The following XKR6 variants were observed in gnomAD, a reference collection of about 807,000 sequenced individuals.
XKR6 encodes the protein XK-related protein 6.
Under a neutral mutation model 56.7 loss-of-function variants are expected in XKR6, and 22 were observed. The observed-to-expected ratio is 0.39, with a 90% CI of 0.28 to 0.55. XKR6 has a LOEUF of 0.55. Among genes scored for constraint, XKR6 ranks in the 20% least tolerant of loss-of-function variants. The probability of loss-of-function intolerance (pLI) is 0.66; values close to 1 mark genes in which losing one functional copy is unlikely to be tolerated. For missense variants in XKR6, 852 were observed against 889.0 expected (o/e 0.96, Z 0.53); for synonymous variants, 524 against 387.8 (o/e 1.35, Z -4.13).
intron 1 of XKR6, among the ~76,000 whole-genome samples, chr8:11,049,673 G>A (rs1017987373): frequency 1.3e-5 from 2 of 152,228 alleles, no homozygotes; most frequent in Non-Finnish European, 2.9e-5. Flanking sequence ...CCGTGGGCTG[G>A]CAGGGGAGGC....
chr8:10,900,848 T>G (rs1358071080), intron 2 of XKR6, among the ~76,000 whole-genome samples: 1 of 115,140 alleles, frequency 8.7e-6, no homozygotes, highest in Non-Finnish European at 1.7e-5. Context: ...GCAGAGGATG[T>G]GCAATTACCT....
At position 11,111,359 on chromosome 8, in the gene XKR6, C is replaced by A. The variant is rs112380175; in HGVS notation, c.764+89217G>T. 7.8e-3 allele frequency among the ~76,000 whole-genome samples: 1,193 copies of A among 152,152 alleles called. 17 individuals are homozygous for A. The highest frequency in any genetic ancestry group is 0.028 in the African/African-American group (1,153 of 41,500). ...TTGGCACTTCTGCCCTACATAGTAACGTCTCATTTTAAAAACTGGTAGCAC... is the reference window on the plus strand; with the variant it reads ...TTGGCACTTCTGCCCTACATAGTAAAGTCTCATTTTAAAAACTGGTAGCAC... On this transcript the variant is annotated intron_variant, in intron 1 of 2. Transcript: ENST00000416569.
chr8:11,190,051 G>C (rs538091749), intron 1 of XKR6, among the ~76,000 whole-genome samples: 12 of 152,216 alleles, frequency 7.9e-5, no homozygotes, highest in African/African-American at 2.9e-4. Flanking sequence ...CAGCTACGTG[G>C]GAGGCTGAGG....
intron 1 of XKR6, among the ~76,000 whole-genome samples, chr8:11,101,148 C>A (rs1798462212): frequency 1.3e-5 from 2 of 152,190 alleles, no homozygotes; most frequent in South Asian, 4.1e-4. Flanking sequence ...CTACAGACAT[C>A]CCAATTTTTG....
In XKR6 at chr8:11,072,924, C is replaced by G. The variant is rs1273438499; in HGVS notation, c.764+127652G>C. On this transcript the variant is annotated intron_variant, in intron 1 of 2. Transcript: ENST00000416569. The stretch of plus-strand genomic sequence containing the variant: ...AATTAGCCGGGCGTGGTGGCGGGTG[C>G]CTGTAATCCCAGCTACTAATGAGGC... 2.0e-5 allele frequency among the ~76,000 whole-genome samples: 3 copies of G among 152,270 alleles called. No individual in the cohort carries two copies. In the East Asian group the frequency reaches 5.8e-4, roughly 29 times the overall value.
At chr8:11,054,808 G>A (rs958789290) in intron 1 of XKR6, among the ~76,000 whole-genome samples, 1 of 152,190 alleles carries the variant, frequency 6.6e-6, no homozygotes, top group Non-Finnish European at 1.5e-5. Context: ...GGTGCTCACT[G>A]GGGCCCTGGG....
chr8:11,107,194 A>G (rs954536147), intron 1 of XKR6, among the ~76,000 whole-genome samples: 1 of 144,576 alleles, frequency 6.9e-6, no homozygotes, highest in Non-Finnish European at 1.5e-5. Flanking sequence ...CAGGATTCCA[A>G]TTTTTTTTTT....
rs79821297 is a variant in XKR6, at chr8:11,123,634, G to C, written c.764+76942C>G. ...AAGTGTGCAGAGTTTAAGATACTTG[G>C]CTATATAAAGTTTAAAATACTCAAA... is the stretch of plus-strand genomic sequence containing the variant. On this transcript the variant is annotated intron_variant, in intron 1 of 2. Coordinates refer to ENST00000416569, the MANE Select transcript of XKR6 (RefSeq NM_173683.4). 312 of 329,880 alleles carry C rather than the reference G, an allele frequency of 9.5e-4. 4 individuals carry two copies. Among genetic ancestry groups the C allele is most frequent in the Non-Finnish European group, 1.6e-3 (265 of 166,590 alleles). 20.4% of individuals were successfully genotyped at this position (329,880 alleles called of 1,614,324 possible). A position where few individuals can be genotyped will look rare whatever the true frequency, so the allele number is the denominator to read the frequency against.
At chr8:10,937,573 G>A (rs372912364) in intron 1 of XKR6, among the ~76,000 whole-genome samples, 5 of 149,210 alleles carry the variant, frequency 3.4e-5, no homozygotes, top group East Asian at 3.9e-4. Context: ...GTACAGATGG[G>A]TTTTCGGTGT....
At chr8:11,016,935 C>G (rs1047917171) in intron 1 of XKR6, among the ~76,000 whole-genome samples, 3 of 152,138 alleles carry the variant, frequency 2.0e-5, no homozygotes, top group Admixed American at 2.0e-4. Flanking sequence ...GATAGACAGA[C>G]AGGTTAGAGA....
chr8:11,155,646 G>C (rs892017040), intron 1 of XKR6, among the ~76,000 whole-genome samples: 1 of 152,158 alleles, frequency 6.6e-6, no homozygotes, highest in East Asian at 1.9e-4. Context: ...AGCACACAGA[G>C]TGTAACAGGT....
At chr8:10,929,200 G>A (rs77238627) in intron 1 of XKR6, among the ~76,000 whole-genome samples, 5,187 of 152,288 alleles carry the variant, frequency 0.034, 124 homozygotes, top group Non-Finnish European at 0.05. Context: ...AAACAATAAT[G>A]CCTCATGTTT....
intron 1 of XKR6, among the ~76,000 whole-genome samples, chr8:11,078,403 T>C (rs1371832669): frequency 2.0e-5 from 3 of 152,216 alleles, no homozygotes; most frequent in Admixed American, 6.5e-5. Context: ...TTTTAAATAC[T>C]GGTGCTGGGA....
chr8:11,074,281 TC>T (rs1266110995), intron 1 of XKR6, among the ~76,000 whole-genome samples: 1 of 152,146 alleles, frequency 6.6e-6, no homozygotes, highest in East Asian at 1.9e-4. Context: ...GTGTGCCGTT[TC>T]CCGGCCTTGG....
intron 1 of XKR6, among the ~76,000 whole-genome samples, chr8:11,076,222 G>C (rs1800270337): frequency 6.6e-6 from 1 of 152,204 alleles, no homozygotes; most frequent in Admixed American, 6.5e-5. Flanking sequence ...CTGAGGGAAA[G>C]GGGAATGGGG....
chr8:10,971,617 A>G (rs1172659190), intron 1 of XKR6, among the ~76,000 whole-genome samples: 1 of 152,136 alleles, frequency 6.6e-6, no homozygotes, highest in Non-Finnish European at 1.5e-5. Flanking sequence ...AACTTACCTG[A>G]GGCCAATCAG....
intron 1 of XKR6, among the ~76,000 whole-genome samples, chr8:11,018,068 C>G (rs191680223): frequency 3.9e-5 from 6 of 152,164 alleles, no homozygotes; most frequent in African/African-American, 1.4e-4. Context: ...ATGTGACAAT[C>G]CCCGAGTTAG....
At chr8:10,914,011 G>A (rs552737407) in intron 2 of XKR6, among the ~76,000 whole-genome samples, 63 of 152,286 alleles carry the variant, frequency 4.1e-4, no homozygotes, top group African/African-American at 1.5e-3. Context: ...GGTCAGGTCC[G>A]GGCCCAAATC....
intron 1 of XKR6, among the ~76,000 whole-genome samples, chr8:10,975,302 G>A (rs1379658768): frequency 1.3e-5 from 2 of 152,216 alleles, no homozygotes; most frequent in African/African-American, 2.4e-5. Flanking sequence ...GAGGCTTCGA[G>A]CGACTTCTCC....
Sources: gnomAD v4.1 joint callset for allele counts (sites outside exome capture counted in the v4.1 genomes callset) on GRCh38, gnomAD v4.1.1 for gene constraint, MANE v1.5 for transcripts, NCBI Gene and HGNC (gene_info 2026-07-23, HGNC 2026-07-21) for gene names.